Variants in FBXO10 observed in about 807,000 individuals in gnomAD.
FBXO10 encodes F-box only protein 10.
A neutral mutation model predicts 80.7 loss-of-function variants in FBXO10; 39 were observed. The ratio of observed to expected loss-of-function variants is 0.48; its 90% CI spans 0.37 to 0.63. The LOEUF is 0.63. FBXO10 is among the 30% of genes least tolerant of loss of function. FBXO10 has a pLI of 0.00. For synonymous variants in FBXO10, 449 were observed against 489.6 expected (o/e 0.92, Z 1.09); for missense variants, 1,025 against 1,269.0 (o/e 0.81, Z 2.92).
chr9:37,521,706 C>T lies in FBXO10; in HGVS notation c.2063G>A (p.Gly688Asp), dbSNP rs752170659. The T allele has an allele frequency of 1.2e-6, 2 of 1,613,878 alleles. No individual in the cohort carries two copies. Among genetic ancestry groups the T allele is most frequent in the Non-Finnish European group, 1.7e-6 (2 of 1,179,894 alleles). Residue 688 changes from glycine (G) to aspartate (D), a missense_variant, in exon 8 of 11, where the codon GGC (glycine) becomes GAC (aspartate). Gly to Asp is a moderately conservative substitution (Grantham distance 94). Around this residue, in one of 3 missense-constraint regions of FBXO10, gnomAD observed 478 missense variants for 667.8 expected, o/e 0.72. Transcript: ENST00000432825. ...QKDGSSELPR[G>D]HRAQENFSED... ...GCTGAAGTTCTCTTGAGCCCTGTGGCCTCGAGGTAACTCGCTGGAGCCATC... is the reference window on the plus strand; with the variant it reads ...GCTGAAGTTCTCTTGAGCCCTGTGGTCTCGAGGTAACTCGCTGGAGCCATC...
intron 1 of FBXO10, among the ~76,000 whole-genome samples, chr9:37,558,022 A>C (rs556924975): frequency 2.0e-5 from 3 of 152,336 alleles, no homozygotes; most frequent in Admixed American, 2.0e-4. Context: ...ACTTGTTAGA[A>C]TCTGTATTCT....
chr9:37,562,934 T>C (rs1822515376), intron 1 of FBXO10, among the ~76,000 whole-genome samples: 1 of 152,098 alleles, frequency 6.6e-6, no homozygotes, highest in Non-Finnish European at 1.5e-5. Context: ...AATCCCACAA[T>C]TCAAGGGGAA....
intron 1 of FBXO10, among the ~76,000 whole-genome samples, chr9:37,565,161 C>T (rs1224983995): frequency 6.6e-6 from 1 of 152,172 alleles, no homozygotes; most frequent in Non-Finnish European, 1.5e-5. Flanking sequence ...TCCTGCCACC[C>T]TGTGAAGAGG....
At chr9:37,563,939 G>A (rs10118103) in intron 1 of FBXO10, among the ~76,000 whole-genome samples, 77,478 of 151,676 alleles carry the variant, frequency 0.51, 19,940 homozygotes, top group African/African-American at 0.58. Context: ...AAGATAATGT[G>A]GAAAATGTCT....
rs536866424 is a variant in FBXO10 at position 37,512,660 on chromosome 9, G to C, written c.2758C>G (p.Arg920Gly). 1 of 1,613,976 alleles carries C rather than the reference G, an allele frequency of 6.2e-7. No individual in the cohort carries two copies. Among genetic ancestry groups the C allele is most frequent in the Non-Finnish European group, 8.5e-7 (1 of 1,179,890 alleles). ...ARPHLENSLR[R>G]PSAAHNGQKV... ...TGCCCATTGTGGGCTGCCGAGGGAC[G>C]TCTGAGAGAATTTTCAAGGTGGGGC... is the stretch of plus-strand genomic sequence containing the variant. The change falls in exon 11 of 11, where the codon CGT (arginine) becomes GGT (glycine). Residue 920 changes from arginine to glycine, a missense_variant. By Grantham distance (125) the Arg-to-Gly change is moderately radical. This residue lies in a region of FBXO10 where 97 missense variants were observed against 101.8 expected (regional missense o/e 0.95). Transcript: ENST00000432825.
At chr9:37,575,701 A>C (rs777471817) in intron 1 of FBXO10, 7 of 152,208 alleles carry the variant, frequency 4.6e-5, no homozygotes, top group Non-Finnish European at 7.3e-5. Flanking sequence ...CTTTTTGTTT[A>C]AAGATGAAAA....
At chr9:37,517,062 A>C (rs1301348480) in intron 9 of FBXO10, among the ~76,000 whole-genome samples, 1 of 152,180 alleles carries the variant, frequency 6.6e-6, no homozygotes, top group Non-Finnish European at 1.5e-5. Flanking sequence ...ATTTGGATGG[A>C]CTTGGAGGCC....
intron 1 of FBXO10, among the ~76,000 whole-genome samples, chr9:37,561,941 A>G (rs928537635): frequency 2.6e-5 from 4 of 152,202 alleles, no homozygotes; most frequent in African/African-American, 9.6e-5. Flanking sequence ...TGAAGGAGTT[A>G]AGAGAGAGAA....
chr9:37,547,001 T>C (rs909633325), intron 1 of FBXO10, among the ~76,000 whole-genome samples: 64 of 152,292 alleles, frequency 4.2e-4, no homozygotes, highest in African/African-American at 1.5e-3. Context: ...TTTAGAAAAG[T>C]GTTTCAGTTT....
At position 37,541,264 on chromosome 9, in the gene FBXO10, T is replaced by C. The variant is rs749259955; in HGVS notation, c.505A>G (p.Ser169Gly). The C allele has an allele frequency of 1.3e-5, 21 of 1,613,856 alleles. No individual in the cohort carries two copies. The highest frequency in any genetic ancestry group is 1.7e-5 in the Non-Finnish European group (20 of 1,179,872). ...GKLGEVALLA[S>G]IDQHCSTTRL... is the part of the protein sequence containing the mutation. Reference sequence around the variant, plus strand: ...GTGGTTGAGCAGTGCTGATCAATGCTGGCCAGCAGGGCCACTTCACCCAAC... The same window carrying C: ...GTGGTTGAGCAGTGCTGATCAATGCCGGCCAGCAGGGCCACTTCACCCAAC... Residue 169 changes from serine (S) to glycine (G), a missense_variant, in exon 2 of 11, where the codon AGC (serine) becomes GGC (glycine). Transcript: ENST00000432825.
chr9:37,549,951 C>T (rs146088647), intron 1 of FBXO10, among the ~76,000 whole-genome samples: 84 of 152,230 alleles, frequency 5.5e-4, no homozygotes, highest in African/African-American at 1.9e-3. Context: ...AATGTTAATA[C>T]TCTTAATTCA....
chr9:37,557,163 G>A (rs770507420), intron 1 of FBXO10, among the ~76,000 whole-genome samples: 5 of 152,118 alleles, frequency 3.3e-5, no homozygotes, highest in Admixed American at 6.6e-5. Context: ...GTTCTTTCAG[G>A]CAATGATGCC....
chr9:37,541,820 TACC>T, intron 1 of FBXO10, 46 bp from the exon 2 acceptor site: 1 of 1,445,506 alleles, frequency 6.9e-7, no homozygotes, highest in South Asian at 1.4e-5. Context: ...CTATCCTACT[TACC>T]AGTCCCCCTT....
At chr9:37,528,492 C>G (rs1054321997) in intron 5 of FBXO10, among the ~76,000 whole-genome samples, 3 of 152,204 alleles carry the variant, frequency 2.0e-5, no homozygotes, top group Admixed American at 1.3e-4. Flanking sequence ...CCCCTCCCTA[C>G]CCCTATCTCC....
chr9:37,544,471 A>C (rs1822001078), intron 1 of FBXO10, among the ~76,000 whole-genome samples: 3 of 152,296 alleles, frequency 2.0e-5, no homozygotes, highest in African/African-American at 4.8e-5. Context: ...ACTGACCTTC[A>C]TCAAATTGTT....
At chr9:37,561,673 G>C (rs748137924) in intron 1 of FBXO10, among the ~76,000 whole-genome samples, 1 of 152,158 alleles carries the variant, frequency 6.6e-6, no homozygotes, top group African/African-American at 2.4e-5. Context: ...ACAAACATTC[G>C]TTGATTGCCT....
chr9:37,513,696 C>A (rs1821116687), intron 10 of FBXO10, among the ~76,000 whole-genome samples: 1 of 152,046 alleles, frequency 6.6e-6, no homozygotes, highest in Non-Finnish European at 1.5e-5. Context: ...TTCGAGTGAT[C>A]CTCCTGGCTC....
chr9:37,566,936 C>CCATAA (rs1197017190), intron 1 of FBXO10, among the ~76,000 whole-genome samples: 1 of 152,074 alleles, frequency 6.6e-6, no homozygotes, highest in Admixed American at 6.5e-5. Flanking sequence ...GGGCTTGGAG[C>CCATAA]CATAAGGACC....
intron 2 of FBXO10, among the ~76,000 whole-genome samples, chr9:37,538,427 G>A (rs1821830275): frequency 6.6e-6 from 1 of 152,244 alleles, no homozygotes; most frequent in Non-Finnish European, 1.5e-5. Flanking sequence ...CATGGGCTCT[G>A]CCAGGTGTGG....
Sources: gnomAD v4.1 joint callset for allele counts (sites outside exome capture counted in the v4.1 genomes callset) on GRCh38, gnomAD v4.1.1 for gene constraint, gnomAD v4.1.1 regional missense constraint, MANE v1.5 for transcripts, NCBI Gene and HGNC (gene_info 2026-07-23, HGNC 2026-07-21) for gene names.